The following SGCD variants were observed in gnomAD, a reference collection of about 807,000 sequenced individuals.
SGCD encodes delta-sarcoglycan.
In SGCD, 18 loss-of-function variants were observed where a neutral mutation model predicts 36.6. The observed-to-expected ratio is 0.49, with a 90% confidence interval of 0.34 to 0.73. The LOEUF (loss-of-function observed/expected upper bound fraction) is 0.73, where lower values mean the gene tolerates loss of function less well. Ranked by LOEUF, SGCD falls within the 30% of genes least tolerant of loss-of-function variation. The pLI, the probability that SGCD is intolerant of heterozygous loss-of-function variation, is 0.01. For synonymous variants in SGCD, 133 were observed against 130.6 expected (o/e 1.02, Z -0.12); for missense variants, 387 against 346.7 (o/e 1.12, Z -0.92).
chr5:155,911,133 G>A (rs1377797448), intron 1 of SGCD, among the ~76,000 whole-genome samples: 2 of 152,088 alleles, frequency 1.3e-5, no homozygotes, highest in Admixed American at 6.6e-5. Flanking sequence ...TAACATCTGG[G>A]ATTAATAGTG....
intron 1 of SGCD, among the ~76,000 whole-genome samples, chr5:156,035,588 G>A (rs1040630582): frequency 3.3e-5 from 5 of 152,092 alleles, no homozygotes; most frequent in African/African-American, 1.2e-4. Context: ...CCAGCTTGGA[G>A]TTCAATAGAG....
chr5:155,805,202 A>G, the SGCD span, among the ~76,000 whole-genome samples: 8 of 152,340 alleles, frequency 5.3e-5, no homozygotes, highest in South Asian at 1.7e-3. Context: ...ATAGAGGAGT[A>G]AGACTTGGCA....
the SGCD span, among the ~76,000 whole-genome samples, chr5:155,734,016 C>A: frequency 6.6e-6 from 1 of 150,590 alleles, no homozygotes; most frequent in African/African-American, 2.4e-5. Context: ...GAAGGTTAAG[C>A]AATTTGGCCA....
chr5:156,524,016 A>T (rs952517341), intron 4 of SGCD, among the ~76,000 whole-genome samples: 5 of 147,150 alleles, frequency 3.4e-5, no homozygotes, highest in Non-Finnish European at 7.5e-5. Flanking sequence ...GGTGAAAAAA[A>T]AAATGCTTTT....
chr5:156,213,039 CA>C (rs554953332), intron 3 of SGCD, among the ~76,000 whole-genome samples: 4 of 151,026 alleles, frequency 2.6e-5, no homozygotes, highest in Non-Finnish European at 5.9e-5. Flanking sequence ...ATGTCTACAT[CA>C]AAAAAGAAAA....
In SGCD at chr5:156,347,475, G is replaced by A. The variant is rs72815904; in HGVS notation, c.192+2798G>A. Among the ~76,000 whole-genome samples, 1,013 of 152,272 alleles carry A rather than the reference G, an allele frequency of 6.7e-3. 5 individuals carry two copies. Among genetic ancestry groups the A allele is most frequent in the Non-Finnish European group, 0.011 (734 of 68,028 alleles). ...TACCTTGACTTCTGGTTGGATGTAG[G>A]GTTGAGGGATCAGAAGACATTTTGG... On this transcript the variant is annotated intron_variant, in intron 3 of 8. Coordinates refer to ENST00000337851, the MANE Select transcript of SGCD (RefSeq NM_000337.6).
intron 1 of SGCD, among the ~76,000 whole-genome samples, chr5:155,892,826 G>A (rs1197306198): frequency 6.6e-6 from 1 of 152,180 alleles, no homozygotes; most frequent in Admixed American, 6.5e-5. Context: ...CTGATGGACA[G>A]TAAGGTTGAT....
chr5:156,159,405 G>GA (rs1238914258), intron 3 of SGCD, among the ~76,000 whole-genome samples: 1 of 151,118 alleles, frequency 6.6e-6, no homozygotes, highest in Non-Finnish European at 1.5e-5. Flanking sequence ...TTAAGCAAAT[G>GA]AAAAAAATCT....
At chr5:156,183,801 G>C (rs886429618) in intron 3 of SGCD, among the ~76,000 whole-genome samples, 2 of 152,138 alleles carry the variant, frequency 1.3e-5, no homozygotes, top group African/African-American at 2.4e-5. Context: ...AGTAAGTGGG[G>C]GTGGCAGAGT....
In SGCD at chr5:155,908,970, A is replaced by G. The variant is rs547039597; in HGVS notation, c.-282+38546A>G. On this transcript the variant is annotated intron_variant, in intron 1 of 9. Coordinates refer to the SGCD transcript ENST00000517913. ...TTTTTTAAACATATTGTAATAGGAC[A>G]TATGTCCTGCTGATGATAAATCACT... Among the ~76,000 whole-genome samples the G allele has an allele frequency of 5.9e-5, 9 of 152,260 alleles. 1 individual carries two copies. In the East Asian group the frequency reaches 1.7e-3, roughly 29 times the overall value.
intron 1 of SGCD, among the ~76,000 whole-genome samples, chr5:156,091,751 C>T (rs913084083): frequency 4.6e-5 from 7 of 152,352 alleles, no homozygotes; most frequent in African/African-American, 1.4e-4. Context: ...TTCGCCCATT[C>T]ACCCTGCAAT....
intron 1 of SGCD, among the ~76,000 whole-genome samples, chr5:155,936,693 T>A (rs1221334764): frequency 6.6e-6 from 1 of 152,134 alleles, no homozygotes; most frequent in East Asian, 1.9e-4. Context: ...GGCCCCCAGG[T>A]TTTAGGCCCT....
chr5:156,093,982 G>T (rs1448863534), intron 1 of SGCD, among the ~76,000 whole-genome samples: 1 of 152,138 alleles, frequency 6.6e-6, no homozygotes, highest in Admixed American at 6.5e-5. Flanking sequence ...TGCCTAAGTG[G>T]GAATTGCCCT....
chr5:156,593,580 T>C (rs189065222), intron 5 of SGCD, among the ~76,000 whole-genome samples: 6 of 152,300 alleles, frequency 3.9e-5, no homozygotes, highest in Admixed American at 2.0e-4. Flanking sequence ...TCCCATTTTC[T>C]GATAGTATTT....
At chr5:156,706,457 A>G (rs959511979) in intron 7 of SGCD, among the ~76,000 whole-genome samples, 15 of 151,954 alleles carry the variant, frequency 9.9e-5, no homozygotes, top group African/African-American at 3.6e-4. Context: ...CCGCCTTAAG[A>G]CCCCACACTA....
At chr5:156,334,044 T>A (rs574781291) in intron 2 of SGCD, among the ~76,000 whole-genome samples, 165 of 152,216 alleles carry the variant, frequency 1.1e-3, no homozygotes, top group South Asian at 0.01. Context: ...AAATAAGGAT[T>A]TGGATTTTAT....
At chr5:156,475,601 T>G (rs868509453) in intron 3 of SGCD, among the ~76,000 whole-genome samples, 1 of 152,146 alleles carries the variant, frequency 6.6e-6, no homozygotes, top group Non-Finnish European at 1.5e-5. Flanking sequence ...CAAGATACTT[T>G]GTAATTCCTA....
chr5:156,055,474 G>A (rs983780042), intron 1 of SGCD, among the ~76,000 whole-genome samples: 9 of 146,136 alleles, frequency 6.2e-5, no homozygotes, highest in African/African-American at 2.2e-4. Context: ...TAGAAATTAT[G>A]TTAAAGGTAA....
intron 1 of SGCD, among the ~76,000 whole-genome samples, chr5:155,883,663 T>A (rs887624533): frequency 6.6e-6 from 1 of 151,826 alleles, no homozygotes; most frequent in African/African-American, 2.4e-5. Context: ...AATATAATAA[T>A]AATGAAAAAG....
Sources: gnomAD v4.1 joint callset for allele counts (sites outside exome capture counted in the v4.1 genomes callset) on GRCh38, gnomAD v4.1.1 for gene constraint, MANE v1.5 for transcripts, NCBI Gene and HGNC (gene_info 2026-07-23, HGNC 2026-07-21) for gene names.